The following ASPH variants were observed in gnomAD, a reference collection of about 807,000 sequenced individuals.
ASPH encodes the protein aspartyl/asparaginyl beta-hydroxylase.
Under a neutral mutation model 118.4 loss-of-function variants are expected in ASPH, and 100 were observed. The observed-to-expected ratio is 0.84, with a 90% CI of 0.72 to 1.00. The LOEUF (loss-of-function observed/expected upper bound fraction) is 1.00. Among genes scored for constraint, ASPH ranks in the 50% least tolerant of loss-of-function variants. The pLI is 0.00. For missense variants in ASPH, 920 were observed against 919.5 expected (o/e 1.00, Z -0.01); for synonymous variants, 315 against 325.6 (o/e 0.97, Z 0.35).
intron 14 of ASPH, among the ~76,000 whole-genome samples, chr8:61,616,164 G>A (rs1312530719): frequency 2.0e-5 from 3 of 152,104 alleles, no homozygotes; most frequent in African/African-American, 4.8e-5. Context: ...AACAGAAGCC[G>A]TTGCAATGAT....
intron 24 of ASPH, 81 bp from the exon 25 acceptor site, chr8:61,503,590 G>A: frequency 1.5e-6 from 2 of 1,373,466 alleles, no homozygotes; most frequent in Non-Finnish European, 2.0e-6. Flanking sequence ...CCATGTGCGA[G>A]AACTACCTTT....
At chr8:61,685,122 C>G (rs1009225187) in intron 1 of ASPH, among the ~76,000 whole-genome samples, 1 of 152,026 alleles carries the variant, frequency 6.6e-6, no homozygotes, top group African/African-American at 2.4e-5. Flanking sequence ...TGCCGGTGAT[C>G]CTCACGGTGT....
At chr8:61,660,431 T>C (rs1816246331) in intron 3 of ASPH, 1 of 152,164 alleles carries the variant, frequency 6.6e-6, no homozygotes, top group Admixed American at 6.5e-5. Flanking sequence ...CCCAACAGTT[T>C]AAAAGTGGGC....
At chr8:61,626,301 C>T (rs367734824) in intron 13 of ASPH, 5 of 1,556,296 alleles carry the variant, frequency 3.2e-6, no homozygotes, top group Non-Finnish European at 4.3e-6. Context: ...AAGGGGAAAT[C>T]TAAATTAAAG....
At chr8:61,673,512 TCCA>T (rs1823662070) in intron 3 of ASPH, among the ~76,000 whole-genome samples, 1 of 152,212 alleles carries the variant, frequency 6.6e-6, no homozygotes, top group African/African-American at 2.4e-5. Context: ...CGAAGCCTGT[TCCA>T]CAGAGTTTCT....
At chr8:61,673,820 TCACA>T (rs374632583) in intron 3 of ASPH, among the ~76,000 whole-genome samples, 1 of 150,752 alleles carries the variant, frequency 6.6e-6, no homozygotes, top group Non-Finnish European at 1.5e-5. Flanking sequence ...TTTATCTCTC[TCACA>T]CACACACACA....
chr8:61,632,505 C>G (rs954667055), intron 13 of ASPH, among the ~76,000 whole-genome samples: 2 of 152,148 alleles, frequency 1.3e-5, no homozygotes, highest in African/African-American at 4.8e-5. Context: ...AGGAAACCAG[C>G]AGAAGGACAT....
chr8:61,528,615 T>C (rs1816389469), intron 21 of ASPH, among the ~76,000 whole-genome samples: 4 of 149,818 alleles, frequency 2.7e-5, no homozygotes, highest in African/African-American at 4.9e-5. Context: ...TTACTAAAAA[T>C]AGGGCACAAA....
chr8:61,555,807 C>T (rs1827663411), intron 19 of ASPH, 117 bp downstream of exon 19: 2 of 858,270 alleles, frequency 2.3e-6, no homozygotes, highest in Non-Finnish European at 3.6e-6. Context: ...GGGTGGACAT[C>T]CTGAGGATGA....
chr8:61,576,344 G>A lies in ASPH; in HGVS notation c.1149+428C>T, dbSNP rs558642784. Among the ~76,000 whole-genome samples the A allele has an allele frequency of 2.2e-4, 34 of 152,240 alleles. No individual in the cohort carries two copies. The South Asian group carries it at 5.2e-3, about 23-fold the overall frequency. ...AAGGTAGCTGCTAAGAAATGAGTCCGTTGGAAAAAACTATAGAGACATCAA... is the reference window on the plus strand; with the variant it reads ...AAGGTAGCTGCTAAGAAATGAGTCCATTGGAAAAAACTATAGAGACATCAA... On this transcript the variant is annotated intron_variant, in intron 16 of 24. Transcript: ENST00000379454.
intron 1 of ASPH, among the ~76,000 whole-genome samples, chr8:61,704,836 A>G (rs1283554938): frequency 6.6e-6 from 1 of 152,230 alleles, no homozygotes; most frequent in Non-Finnish European, 1.5e-5. Flanking sequence ...ATGTTGGTAC[A>G]TATGTAGAAC....
At chr8:61,597,112 C>A (rs1445340084) in intron 14 of ASPH, among the ~76,000 whole-genome samples, 2 of 150,810 alleles carry the variant, frequency 1.3e-5, no homozygotes, top group Non-Finnish European at 2.9e-5. Flanking sequence ...AAAATCAAGA[C>A]CATCACCATC....
At chr8:61,565,392 G>C (rs1831350785) in intron 17 of ASPH, among the ~76,000 whole-genome samples, 1 of 152,050 alleles carries the variant, frequency 6.6e-6, no homozygotes, top group East Asian at 1.9e-4. Context: ...AAAGAATTTG[G>C]TATCACAGGA....
At chr8:61,557,310 C>T (rs923726367) in intron 18 of ASPH, among the ~76,000 whole-genome samples, 1 of 152,106 alleles carries the variant, frequency 6.6e-6, no homozygotes, top group Non-Finnish European at 1.5e-5. Context: ...CTCTCCATTG[C>T]TCTGGCCTCC....
intron 21 of ASPH, among the ~76,000 whole-genome samples, chr8:61,537,573 T>C (rs1276008071): frequency 6.6e-6 from 1 of 152,088 alleles, no homozygotes; most frequent in Non-Finnish European, 1.5e-5. Flanking sequence ...GCAACAGGTC[T>C]TGCTATGTTG....
At chr8:61,540,397 ACCTCACCTG>A (rs1406653606) in intron 21 of ASPH, among the ~76,000 whole-genome samples, 5 of 152,072 alleles carry the variant, frequency 3.3e-5, no homozygotes, top group African/African-American at 1.2e-4. Flanking sequence ...TGTATGTAAC[ACCTCACCTG>A]CCCCAGCTCT....
At chr8:61,519,617 A>G (rs1184715466) in intron 22 of ASPH, among the ~76,000 whole-genome samples, 1 of 152,272 alleles carries the variant, frequency 6.6e-6, no homozygotes, top group Non-Finnish European at 1.5e-5. Flanking sequence ...ACATTAAAAT[A>G]GGGAGATTAT....
At chr8:61,627,271 A>T (rs1350749157) in intron 13 of ASPH, among the ~76,000 whole-genome samples, 1 of 152,250 alleles carries the variant, frequency 6.6e-6, no homozygotes, top group Non-Finnish European at 1.5e-5. Flanking sequence ...AGAGCAAATG[A>T]CTACACTTAA....
intron 21 of ASPH, among the ~76,000 whole-genome samples, chr8:61,530,605 C>G (rs531525710): frequency 2.6e-5 from 4 of 152,180 alleles, no homozygotes; most frequent in Non-Finnish European, 5.9e-5. Flanking sequence ...TTAAAATCTT[C>G]TCTTAAAATT....
Sources: allele counts gnomAD v4.1 joint callset (sites outside exome capture counted in the v4.1 genomes callset), GRCh38; gene constraint gnomAD v4.1.1; transcripts MANE v1.5; gene names NCBI Gene and HGNC (gene_info 2026-07-23, HGNC 2026-07-21).